Variants in MGST2 observed in about 807,000 individuals in gnomAD.
MGST2 encodes microsomal glutathione S-transferase 2.
In MGST2, 9 loss-of-function variants were observed where a neutral mutation model predicts 16.6. The observed-to-expected ratio is 0.54, with a 90% confidence interval of 0.33 to 0.95. MGST2 has a LOEUF of 0.95. Ranked by LOEUF, MGST2 falls within the 40% of genes least tolerant of loss-of-function variation. The pLI, the probability that MGST2 is intolerant of heterozygous loss-of-function variation, is 0.03. For synonymous variants in MGST2, 79 were observed against 68.0 expected (o/e 1.16, Z -0.79); for missense variants, 159 against 175.1 (o/e 0.91, Z 0.52).
intron 1 of MGST2, among the ~76,000 whole-genome samples, chr4:139,669,248 G>GGA (rs940167688): frequency 3.9e-4 from 60 of 152,142 alleles, no homozygotes; most frequent in African/African-American, 1.4e-3. Flanking sequence ...GGTTTACAAA[G>GGA]GAGAGAGAGA....
intron 3 of MGST2, among the ~76,000 whole-genome samples, chr4:139,701,597 T>C (rs1727253088): frequency 6.6e-6 from 1 of 152,184 alleles, no homozygotes; most frequent in Non-Finnish European, 1.5e-5. Context: ...TGAGAGAATG[T>C]ATACTCTCTG....
At chr4:139,706,164 C>T (rs910968931), downstream of MGST2, among the ~76,000 whole-genome samples, 1 of 152,154 alleles carries the variant, frequency 6.6e-6, no homozygotes, top group Admixed American at 6.5e-5. Flanking sequence ...AATAGCAGTA[C>T]AGTATTAAAT....
At chr4:139,668,396 C>G (rs1211325423) in intron 1 of MGST2, among the ~76,000 whole-genome samples, 2 of 152,098 alleles carry the variant, frequency 1.3e-5, no homozygotes, top group African/African-American at 4.8e-5. Flanking sequence ...AGACTTTCCC[C>G]ACAAGAGACA....
At position 139,735,470 on chromosome 4, in the gene MGST2, G is replaced by C. The variant is rs565868157; in HGVS notation, c.*49-4742G>C. The stretch of plus-strand genomic sequence containing the variant: ...GGGTAGGGGGGCAGTGGCGACCTCC[G>C]GGGGGGGAGGGTGGCGGACACCAGA... On this transcript the variant is annotated intron_variant, in intron 5 of 5. Transcript: ENST00000616265. The surrounding 1 kb of genome is among the most constrained non-coding windows in gnomAD (Gnocchi z 5.8). Among the ~76,000 whole-genome samples the C allele has an allele frequency of 2.0e-5, 3 of 151,146 alleles. No individual in the cohort carries two copies. Among genetic ancestry groups the C allele is most frequent in the Non-Finnish European group, 4.4e-5 (3 of 67,614 alleles).
chr4:139,701,270 C>T (rs200921469), intron 3 of MGST2, among the ~76,000 whole-genome samples: 2 of 138,198 alleles, frequency 1.4e-5, no homozygotes, highest in Non-Finnish European at 3.1e-5. Flanking sequence ...ACTAACTGTT[C>T]CTGAACTGTT....
intron 2 of MGST2, among the ~76,000 whole-genome samples, chr4:139,680,322 G>A (rs1333250561): frequency 6.6e-6 from 1 of 152,024 alleles, no homozygotes; most frequent in African/African-American, 2.4e-5. Context: ...TTTTTCCCTA[G>A]GGTTAATAAT....
At chr4:139,676,770 A>G (rs1254769658) in intron 1 of MGST2, among the ~76,000 whole-genome samples, 1 of 152,224 alleles carries the variant, frequency 6.6e-6, no homozygotes, top group Non-Finnish European at 1.5e-5. Flanking sequence ...TGCTGTGAAT[A>G]TTTGTGTACA....
intron 2 of MGST2, among the ~76,000 whole-genome samples, chr4:139,693,359 C>T (rs1283622146): frequency 2.8e-5 from 4 of 144,916 alleles, no homozygotes; most frequent in Non-Finnish European, 6.0e-5. Flanking sequence ...GAGCCGAGAT[C>T]GTGCCACTGC....
chr4:139,690,787 T>C (rs1726531214), intron 2 of MGST2, among the ~76,000 whole-genome samples: 1 of 152,192 alleles, frequency 6.6e-6, no homozygotes, highest in Non-Finnish European at 1.5e-5. Flanking sequence ...AGTATACTTA[T>C]TGACTGAGAC....
At chr4:139,751,731 C>G in the MGST2 span, among the ~76,000 whole-genome samples, 1 of 152,130 alleles carries the variant, frequency 6.6e-6, no homozygotes. Context: ...GACCTTGTGC[C>G]TGGAGGGAGG....
At chr4:139,695,473 T>C (rs923080278) in intron 3 of MGST2, among the ~76,000 whole-genome samples, 2 of 152,070 alleles carry the variant, frequency 1.3e-5, no homozygotes, top group African/African-American at 4.8e-5. Context: ...AATACAAAAA[T>C]TAGCTAAGTG....
intron 1 of MGST2, among the ~76,000 whole-genome samples, chr4:139,676,319 C>A (rs795591): frequency 0.017 from 2,615 of 152,148 alleles, 72 homozygotes; most frequent in African/African-American, 0.058. Context: ...TTGATGGATA[C>A]TCTTGTGAGT....
intron 5 of MGST2, chr4:139,720,033 G>C (rs370038276): frequency 3.7e-6 from 6 of 1,614,072 alleles, no homozygotes; most frequent in Non-Finnish European, 3.4e-6. Flanking sequence ...CCAGAGGCAG[G>C]TTGCCTCGGT....
chr4:139,708,069 C>T (rs765084340), downstream of MGST2, among the ~76,000 whole-genome samples: 27 of 152,168 alleles, frequency 1.8e-4, no homozygotes, highest in African/African-American at 3.4e-4. Context: ...AATTAGATCC[C>T]GTTTGTCCAT....
chr4:139,730,334 G>A, intron 5 of MGST2: 1 of 1,245,816 alleles, frequency 8.0e-7, no homozygotes. Flanking sequence ...GATGTGAACT[G>A]CCACTTCCTC....
chr4:139,676,569 A>T (rs961513476), intron 1 of MGST2, among the ~76,000 whole-genome samples: 1 of 152,172 alleles, frequency 6.6e-6, no homozygotes, highest in African/African-American at 2.4e-5. Context: ...TGATTGGATG[A>T]GGCCCACCCA....
intron 2 of MGST2, among the ~76,000 whole-genome samples, chr4:139,679,509 A>G (rs995592547): frequency 5.9e-5 from 9 of 152,070 alleles, no homozygotes; most frequent in African/African-American, 2.2e-4. Flanking sequence ...AACTTGCCTT[A>G]AAATAATCTG....
rs138323615 is a variant in MGST2, at chr4:139,669,155, C to T, written c.58+3078C>T. Reference sequence around the variant, plus strand: ...CCTTTTCCCCATCATGGCCTGAACTCGTTTTTTAGGTTAACTTTGGAATGC... The same window carrying T: ...CCTTTTCCCCATCATGGCCTGAACTTGTTTTTTAGGTTAACTTTGGAATGC... On this transcript the variant is annotated intron_variant, in intron 1 of 4. Coordinates refer to ENST00000265498, the MANE Select transcript of MGST2 (RefSeq NM_002413.5). Among the ~76,000 whole-genome samples the T allele has an allele frequency of 4.7e-4, 72 of 152,160 alleles. No homozygotes were observed. In the East Asian group the frequency reaches 7.7e-3, roughly 16 times the overall value.
chr4:139,749,474 A>G, the MGST2 span, among the ~76,000 whole-genome samples: 1 of 152,306 alleles, frequency 6.6e-6, no homozygotes, highest in East Asian at 1.9e-4. Context: ...AGAGCAGCTC[A>G]TAAACCTCAC....
Sources: allele counts gnomAD v4.1 joint callset (sites outside exome capture counted in the v4.1 genomes callset), GRCh38; gene constraint gnomAD v4.1.1; non-coding constraint Gnocchi (gnomAD v3.1); transcripts MANE v1.5; gene names NCBI Gene and HGNC (gene_info 2026-07-23, HGNC 2026-07-21).